KLF12: variants seen among roughly 807,000 people sequenced by gnomAD.
KLF12 encodes KLF transcription factor 12.
A neutral mutation model predicts 37.8 loss-of-function variants in KLF12; 9 were observed. That is an observed-to-expected ratio of 0.24 (90% CI 0.14 to 0.42). The LOEUF is 0.42. Among genes scored for constraint, KLF12 ranks in the 10% least tolerant of loss-of-function variants. The probability of loss-of-function intolerance (pLI) is 1.00; values close to 1 mark genes in which losing one functional copy is unlikely to be tolerated. For synonymous variants in KLF12, 208 were observed against 202.1 expected, an observed-to-expected ratio of 1.03 and a Z score of -0.25; for missense variants, 411 against 516.0, an observed-to-expected ratio of 0.80 and a Z score of 1.97.
chr13:74,219,261 T>C, the KLF12 span, among the ~76,000 whole-genome samples: 2 of 152,238 alleles, frequency 1.3e-5, no homozygotes, highest in African/African-American at 4.8e-5. Context: ...CGGCTGAGAT[T>C]TGTAAATTTT....
At chr13:74,204,380 G>T in the KLF12 span, among the ~76,000 whole-genome samples, 1 of 152,168 alleles carries the variant, frequency 6.6e-6, no homozygotes, top group South Asian at 2.1e-4. Flanking sequence ...GGCTTTTGAT[G>T]TAACCATCAC....
At chr13:73,925,958 A>G (rs1355815231) in intron 3 of KLF12, among the ~76,000 whole-genome samples, 1 of 152,234 alleles carries the variant, frequency 6.6e-6, no homozygotes. Flanking sequence ...TCAATCTCAG[A>G]TAAAATTTTC....
the KLF12 span, among the ~76,000 whole-genome samples, chr13:74,239,034 G>A: frequency 1.3e-5 from 2 of 149,136 alleles, no homozygotes; most frequent in African/African-American, 2.5e-5. Context: ...TGTGATGTTA[G>A]GGTGTCAATT....
the KLF12 span, among the ~76,000 whole-genome samples, chr13:74,239,552 C>T: frequency 1.7e-5 from 2 of 115,464 alleles, no homozygotes; most frequent in East Asian, 2.4e-4. Flanking sequence ...GTTAAAGTCT[C>T]CCATTATTAA....
chr13:74,241,255 C>CT, the KLF12 span, among the ~76,000 whole-genome samples: 9 of 150,986 alleles, frequency 6.0e-5, no homozygotes, highest in African/African-American at 2.2e-4. Flanking sequence ...TTAGGCTGCC[C>CT]GGGGGTCAGG....
chr13:74,198,402 G>A, the KLF12 span, among the ~76,000 whole-genome samples: 13 of 152,284 alleles, frequency 8.5e-5, no homozygotes, highest in South Asian at 2.7e-3. Flanking sequence ...TCACCCCAGA[G>A]AAGTGCTCCG....
chr13:74,180,650 C>T, the KLF12 span, among the ~76,000 whole-genome samples: 1 of 152,122 alleles, frequency 6.6e-6, no homozygotes. Context: ...AAGAATGTAC[C>T]AACTCAGCAC....
rs144438804 is a variant in KLF12, at chr13:73,690,166, C to T, written c.*5324G>A. The T allele has an allele frequency of 1.1e-3, 165 of 152,308 alleles. 1 individual carries two copies. Among genetic ancestry groups the T allele is most frequent in the African/African-American group, 3.9e-3 (162 of 41,446 alleles). The allele number at this position is 152,308 out of a possible 1,614,324, so 9.4% of individuals were successfully genotyped here. A position where few individuals can be genotyped will look rare whatever the true frequency, so the allele number is the denominator to read the frequency against. The stretch of plus-strand genomic sequence containing the variant: ...TGTGTTCACATGTGCAGGAAAAAAC[C>T]CAGTCTTATTAAGAATTATTGCTGT... On this transcript the variant is annotated 3_prime_UTR_variant, in exon 8 of 8. Transcript: ENST00000377669.
chr13:74,162,869 G>A, the KLF12 span, among the ~76,000 whole-genome samples: 6,284 of 151,820 alleles, frequency 0.041, 147 homozygotes, highest in Middle Eastern at 0.1. Context: ...GCAAGAAAAG[G>A]GATTACAAAT....
At chr13:73,775,257 C>A (rs1345595426) in intron 5 of KLF12, among the ~76,000 whole-genome samples, 2 of 152,102 alleles carry the variant, frequency 1.3e-5, no homozygotes, top group African/African-American at 4.8e-5. Context: ...TTAATTCCAC[C>A]TTTATTTTCA....
intron 1 of KLF12, among the ~76,000 whole-genome samples, chr13:73,997,333 A>G (rs943994058): frequency 6.6e-6 from 1 of 152,216 alleles, no homozygotes; most frequent in African/African-American, 2.4e-5. Context: ...AAGGATAATA[A>G]TAATAATAAT....
chr13:74,132,806 C>A (rs1315964237), intron 1 of KLF12, among the ~76,000 whole-genome samples: 1 of 152,176 alleles, frequency 6.6e-6, no homozygotes, highest in Non-Finnish European at 1.5e-5. Context: ...CTGTTGAGTG[C>A]ACCCCACCCT....
At chr13:73,711,427 C>T (rs1449739972) in intron 7 of KLF12, among the ~76,000 whole-genome samples, 2 of 152,298 alleles carry the variant, frequency 1.3e-5, no homozygotes, top group South Asian at 2.1e-4. Context: ...TTGTTAGGGA[C>T]TAATGGAGAC....
chr13:73,964,906 A>G (rs907296940), intron 2 of KLF12, among the ~76,000 whole-genome samples: 1 of 152,214 alleles, frequency 6.6e-6, no homozygotes, highest in Non-Finnish European at 1.5e-5. Context: ...AACCTAGCCT[A>G]TGACATTCCA....
intron 5 of KLF12, among the ~76,000 whole-genome samples, chr13:73,776,236 G>A (rs1017904709): frequency 6.6e-6 from 1 of 152,158 alleles, no homozygotes; most frequent in Non-Finnish European, 1.5e-5. Context: ...GTATCCAAGA[G>A]ATGGATTCAG....
intron 4 of KLF12, among the ~76,000 whole-genome samples, chr13:73,823,425 C>T (rs1218902325): frequency 3.9e-5 from 6 of 152,076 alleles, no homozygotes; most frequent in African/African-American, 9.7e-5. Flanking sequence ...AAGGGGTGGG[C>T]GGAGGCATGC....
the KLF12 span, among the ~76,000 whole-genome samples, chr13:74,241,178 T>C: frequency 6.6e-6 from 1 of 152,220 alleles, no homozygotes; most frequent in Non-Finnish European, 1.5e-5. Context: ...GACCCTCAGC[T>C]GCAGGTCTGT....
chr13:74,218,010 T>C, the KLF12 span, among the ~76,000 whole-genome samples: 1 of 152,158 alleles, frequency 6.6e-6, no homozygotes, highest in Non-Finnish European at 1.5e-5. Flanking sequence ...TATATTCAGA[T>C]TGGAATGAAG....
the KLF12 span, among the ~76,000 whole-genome samples, chr13:74,263,558 G>A: frequency 2.6e-5 from 4 of 152,252 alleles, no homozygotes; most frequent in African/African-American, 9.6e-5. Context: ...CACACTTCTA[G>A]TGAGTTACTG....
Sources: allele counts gnomAD v4.1 joint callset (sites outside exome capture counted in the v4.1 genomes callset), GRCh38; gene constraint gnomAD v4.1.1; transcripts MANE v1.5; gene names NCBI Gene and HGNC (gene_info 2026-07-23, HGNC 2026-07-21).